ATG7: variants seen among roughly 807,000 people sequenced by gnomAD.
ATG7 encodes autophagy related 7.
Under a neutral mutation model 82.4 loss-of-function variants are expected in ATG7, and 70 were observed. The ratio of observed to expected loss-of-function variants is 0.85; its 90% CI spans 0.70 to 1.04. ATG7 has a LOEUF of 1.04. Among genes scored for constraint, ATG7 ranks in the 50% least tolerant of loss-of-function variants. The probability of loss-of-function intolerance (pLI) is 0.00; values close to 1 mark genes in which losing one functional copy is unlikely to be tolerated. For missense variants in ATG7, 792 were observed against 864.3 expected (o/e 0.92, Z 1.05); for synonymous variants, 287 against 313.0 (o/e 0.92, Z 0.88).
At chr3:11,518,696 G>T (rs1283180071) in intron 20 of ATG7, among the ~76,000 whole-genome samples, 2 of 152,184 alleles carry the variant, frequency 1.3e-5, no homozygotes, top group African/African-American at 4.8e-5. Context: ...ATAAACATTT[G>T]ACAGCCTTTC....
intron 20 of ATG7, among the ~76,000 whole-genome samples, chr3:11,511,163 G>A (rs914622647): frequency 6.6e-5 from 10 of 152,296 alleles, no homozygotes; most frequent in East Asian, 3.9e-4. Flanking sequence ...CTTCCACAGC[G>A]TGGAAGGGGA....
At chr3:11,437,695 T>C (rs1204944521) in intron 20 of ATG7, among the ~76,000 whole-genome samples, 2 of 152,206 alleles carry the variant, frequency 1.3e-5, no homozygotes, top group African/African-American at 4.8e-5. Flanking sequence ...ACATGTGGTT[T>C]ATCTCTCTGT....
Position 11,522,101 on chromosome 3 carries a change from G to A in ATG7, c.2080-32710G>A, listed in dbSNP as rs73123007. On this transcript the variant is annotated intron_variant, in intron 20 of 20. Coordinates refer to ENST00000693202, the MANE Select transcript of ATG7 (RefSeq NM_001349232.2). ...TCAGCTAATAAGTGACCAAGCCAGG[G>A]TTCCGTTTCAGATCTGTCTATCCCT... 8.1e-3 allele frequency among the ~76,000 whole-genome samples: 1,233 copies of A among 152,286 alleles called. 16 individuals are homozygous for A. Among genetic ancestry groups the A allele is most frequent in the African/African-American group, 0.028 (1,151 of 41,544 alleles).
chr3:11,320,037 A>T (rs900919968), intron 9 of ATG7, among the ~76,000 whole-genome samples: 4 of 152,180 alleles, frequency 2.6e-5, no homozygotes, highest in South Asian at 2.1e-4. Context: ...AATACGGCCT[A>T]CAAGAGTCTG....
chr3:11,531,042 T>TC (rs1481252430), intron 20 of ATG7, among the ~76,000 whole-genome samples: 3 of 152,204 alleles, frequency 2.0e-5, no homozygotes, highest in African/African-American at 7.2e-5. Context: ...TGGCTAAGTG[T>TC]CTGCTCACCA....
intron 20 of ATG7, among the ~76,000 whole-genome samples, chr3:11,455,714 C>T (rs1458070766): frequency 4.6e-5 from 7 of 152,192 alleles, no homozygotes; most frequent in Admixed American, 1.3e-4. Context: ...GCCACAACTA[C>T]ATCTTCAGCC....
chr3:11,334,362 G>A (rs957630439), intron 11 of ATG7, among the ~76,000 whole-genome samples: 1 of 151,478 alleles, frequency 6.6e-6, no homozygotes, highest in African/African-American at 2.4e-5. Flanking sequence ...CTCCCTCCTC[G>A]GCCTCCCAAG....
At chr3:11,422,399 C>T (rs2082006805) in intron 19 of ATG7, among the ~76,000 whole-genome samples, 1 of 152,188 alleles carries the variant, frequency 6.6e-6, no homozygotes, top group Non-Finnish European at 1.5e-5. Context: ...AGCTTCTTTC[C>T]TTAAACCTCA....
At position 11,557,586 on chromosome 3, in the gene ATG7, C is replaced by G. The variant is rs993278182; in HGVS notation, c.*2743C>G. On this transcript the variant is annotated 3_prime_UTR_variant, in exon 21 of 21. Transcript: ENST00000693202. ...TTGTGAGTAAAGTGAATATCAAATA[C>G]CAATCTTAGAGTACAACTGTACCAG... 31 of 152,594 alleles carry G rather than the reference C, an allele frequency of 2.0e-4. No homozygotes were observed. Among genetic ancestry groups the G allele is most frequent in the Non-Finnish European group, 2.9e-5 (2 of 68,038 alleles). The allele number at this position is 152,594 out of a possible 1,614,324, so 9.5% of individuals were successfully genotyped here.
intron 9 of ATG7, among the ~76,000 whole-genome samples, chr3:11,318,810 C>A (rs1268578446): frequency 6.6e-6 from 1 of 152,192 alleles, no homozygotes. Flanking sequence ...CTGCAGACAT[C>A]TCTCTGTCTC....
intron 18 of ATG7, among the ~76,000 whole-genome samples, chr3:11,377,370 G>A (rs994958763): frequency 2.6e-5 from 4 of 152,268 alleles, no homozygotes; most frequent in Non-Finnish European, 5.9e-5. Context: ...CCTGCTGAAC[G>A]GTGGTGTGTG....
intron 7 of ATG7, among the ~76,000 whole-genome samples, chr3:11,312,578 G>A (rs1041064425): frequency 6.6e-6 from 1 of 152,186 alleles, no homozygotes; most frequent in Non-Finnish European, 1.5e-5. Context: ...TGTCCACAAA[G>A]TGAGCTGCCT....
chr3:11,422,318 C>T (rs996092412), intron 19 of ATG7, among the ~76,000 whole-genome samples: 1 of 152,220 alleles, frequency 6.6e-6, no homozygotes, highest in Non-Finnish European at 1.5e-5. Context: ...TGAGCTAGAT[C>T]TCATAATAAC....
intron 20 of ATG7, among the ~76,000 whole-genome samples, chr3:11,465,846 A>G (rs1639826960): frequency 6.6e-6 from 1 of 152,162 alleles, no homozygotes; most frequent in African/African-American, 2.4e-5. Context: ...ACCCAGGGAT[A>G]AGAAGAAGGG....
At chr3:11,355,690 A>C (rs1210598942) in intron 14 of ATG7, among the ~76,000 whole-genome samples, 1 of 152,230 alleles carries the variant, frequency 6.6e-6, no homozygotes, top group Non-Finnish European at 1.5e-5. Flanking sequence ...TAAAATGGCT[A>C]AGATTAAGAA....
intron 20 of ATG7, among the ~76,000 whole-genome samples, chr3:11,514,187 A>T (rs1305625168): frequency 6.6e-6 from 1 of 152,198 alleles, no homozygotes; most frequent in Non-Finnish European, 1.5e-5. Flanking sequence ...AAGATGAAGT[A>T]AGTGGCCCAG....
At chr3:11,366,465 G>C (rs908625278) in intron 18 of ATG7, among the ~76,000 whole-genome samples, 2 of 151,942 alleles carry the variant, frequency 1.3e-5, no homozygotes, top group East Asian at 3.9e-4. Context: ...CAAAAGACGC[G>C]GTAATAACCA....
chr3:11,480,738 C>G lies in ATG7; in HGVS notation c.2079+53812C>G, dbSNP rs1016588979. 3.9e-5 allele frequency among the ~76,000 whole-genome samples: 6 copies of G among 152,196 alleles called. 1 individual carries two copies. In the South Asian group the frequency reaches 1.2e-3, roughly 32 times the overall value. ...GAAACCCAGGCTTCTCAGTGAATTTCCATAACAATTCACTGCCAAGTCACA... is the reference window on the plus strand; with the variant it reads ...GAAACCCAGGCTTCTCAGTGAATTTGCATAACAATTCACTGCCAAGTCACA... On this transcript the variant is annotated intron_variant, in intron 20 of 20. Transcript: ENST00000693202.
chr3:11,538,219 G>T (rs1240042441), intron 20 of ATG7, among the ~76,000 whole-genome samples: 4 of 152,222 alleles, frequency 2.6e-5, no homozygotes, highest in African/African-American at 9.7e-5. Context: ...CTCGTGGCAG[G>T]CTGGGTGGCA....
Sources: gnomAD v4.1 joint callset for allele counts (sites outside exome capture counted in the v4.1 genomes callset) on GRCh38, gnomAD v4.1.1 for gene constraint, MANE v1.5 for transcripts, NCBI Gene and HGNC (gene_info 2026-07-23, HGNC 2026-07-21) for gene names.